The following PIK3CD variants were observed in gnomAD, a reference collection of about 807,000 sequenced individuals.
The protein encoded by PIK3CD is phosphatidylinositol 4,5-bisphosphate 3-kinase catalytic subunit delta isoform.
PIK3CD carries 20 observed loss-of-function variants against 122.9 expected under a neutral mutation model. That is an observed-to-expected ratio of 0.16 (90% CI 0.11 to 0.24). PIK3CD has a LOEUF of 0.24. Ranked by LOEUF, PIK3CD falls within the 10% of genes least tolerant of loss-of-function variation. The pLI is 1.00. For synonymous variants in PIK3CD, 596 were observed against 593.4 expected (o/e 1.00, Z -0.06); for missense variants, 787 against 1,406.3 (o/e 0.56, Z 7.04).
chr1:9,641,706 C>T, the PIK3CD span, among the ~76,000 whole-genome samples: 3 of 152,174 alleles, frequency 2.0e-5, no homozygotes, highest in African/African-American at 7.2e-5. Context: ...ACCCCTGACC[C>T]TCTAAGTCAT....
intron 3 of PIK3CD, among the ~76,000 whole-genome samples, chr1:9,714,057 G>T (rs1647166617): frequency 6.6e-6 from 1 of 151,842 alleles, no homozygotes; most frequent in African/African-American, 2.4e-5. Context: ...TTATTATGTT[G>T]CCCAGGCTGG....
rs1166201942 is a variant in PIK3CD, at chr1:9,717,847, A to G, written c.1020+221A>G. On this transcript the variant is annotated intron_variant, in intron 8 of 23. Coordinates refer to ENST00000377346, the MANE Select transcript of PIK3CD (RefSeq NM_005026.5). The surrounding 1 kb of genome is among the most constrained non-coding windows in gnomAD (Gnocchi z 5.4). ...GGCTGATTCGTAGAAACTTGGGCCA[A>G]GCAGCGTTCTGGGTATTTGACTTTG... Among the ~76,000 whole-genome samples the G allele has an allele frequency of 3.3e-5, 5 of 152,186 alleles. No individual in the cohort carries two copies. Among genetic ancestry groups the G allele is most frequent in the Non-Finnish European group, 7.3e-5 (5 of 68,030 alleles).
chr1:9,675,263 G>A (rs1645482065), intron 1 of PIK3CD, among the ~76,000 whole-genome samples: 1 of 150,364 alleles, frequency 6.7e-6, no homozygotes. Flanking sequence ...GCGGGCGCCT[G>A]TAGTCCCAGC....
In PIK3CD at chr1:9,720,911, TG is replaced by T; in HGVS notation, c.1689+5del. The T allele has an allele frequency of 6.3e-7, 1 of 1,585,454 alleles. No individual in the cohort carries two copies. Among genetic ancestry groups the T allele is most frequent in the East Asian group, 2.3e-5 (1 of 43,366 alleles). The stretch of plus-strand genomic sequence containing the variant: ...AACAAGCATGAGGATGTGGCCCAGG[TG>T]GGTGGGGAGGCGCACCTGGGGGCGG... On this transcript the variant is annotated splice_donor_region_variant and intron_variant, in intron 13 of 23. Coordinates refer to ENST00000377346, the MANE Select transcript of PIK3CD (RefSeq NM_005026.5). The surrounding 1 kb of genome is among the most constrained non-coding windows in gnomAD (Gnocchi z 9.0).
intron 23 of PIK3CD, among the ~76,000 whole-genome samples, chr1:9,726,534 T>C (rs924720696): frequency 1.3e-5 from 2 of 152,096 alleles, no homozygotes; most frequent in South Asian, 2.1e-4. Flanking sequence ...CAGATACATA[T>C]GTATTTTTTT....
intron 1 of PIK3CD, among the ~76,000 whole-genome samples, chr1:9,681,306 G>C (rs906996701): frequency 6.6e-6 from 1 of 152,100 alleles, no homozygotes; most frequent in South Asian, 2.1e-4. Context: ...GGCACAATCA[G>C]AGCTCACTGC....
At chr1:9,708,471 A>G (rs1646928167) in intron 2 of PIK3CD, among the ~76,000 whole-genome samples, 1 of 151,938 alleles carries the variant, frequency 6.6e-6, no homozygotes, top group Non-Finnish European at 1.5e-5. Context: ...GTAAGCCACC[A>G]TGCCTGACCA....
rs925401396 is a variant in PIK3CD at position 9,724,534 on chromosome 1, C to T, written c.2864+113C>T. The T allele has an allele frequency of 1.1e-5, 13 of 1,221,754 alleles. No homozygotes were observed. The Admixed American group carries it at 1.8e-4, about 17-fold the overall frequency. 75.7% of individuals were successfully genotyped at this position (1,221,754 alleles called of 1,614,324 possible). A position where few individuals can be genotyped will look rare whatever the true frequency, so the allele number is the denominator to read the frequency against. On this transcript the variant is annotated intron_variant, in intron 22 of 23. Transcript: ENST00000377346. This position sits in a 1 kb window ranked among gnomAD's most constrained non-coding sequence, Gnocchi z 7.3. ...GCTCAGGTCTCAACCCCACACCTGGCCCCTCACCCCAACTGTTGATGGGTT... is the reference window on the plus strand; with the variant it reads ...GCTCAGGTCTCAACCCCACACCTGGTCCCTCACCCCAACTGTTGATGGGTT...
chr1:9,725,617 G>A (rs1477618210), intron 23 of PIK3CD, among the ~76,000 whole-genome samples: 2 of 151,876 alleles, frequency 1.3e-5, no homozygotes, highest in African/African-American at 4.8e-5. Context: ...GGTGGCTCAC[G>A]CCTGTAATCC....
At chr1:9,706,933 T>C (rs1646855794) in intron 2 of PIK3CD, among the ~76,000 whole-genome samples, 1 of 151,922 alleles carries the variant, frequency 6.6e-6, no homozygotes, top group African/African-American at 2.4e-5. Context: ...AGCTTCCAAG[T>C]AGCTGCGACT....
At chr1:9,654,486 A>ACCAG (rs55746245) in intron 1 of PIK3CD, 1 of 1,245,038 alleles carries the variant, frequency 8.0e-7, no homozygotes, top group Non-Finnish European at 1.1e-6. Context: ...GGTTGTGCGA[A>ACCAG]AGCCAGCCCG....
chr1:9,677,964 G>A (rs1490969009), intron 1 of PIK3CD, among the ~76,000 whole-genome samples: 2 of 151,804 alleles, frequency 1.3e-5, no homozygotes, highest in East Asian at 3.9e-4. Flanking sequence ...CCAGCCCATG[G>A]TGAAACCCCG....
intron 2 of PIK3CD, among the ~76,000 whole-genome samples, chr1:9,708,085 C>T (rs1218306266): frequency 6.6e-6 from 1 of 151,750 alleles, no homozygotes; most frequent in East Asian, 1.9e-4. Context: ...TGAGCCACCG[C>T]GCCTGGTCCC....
intron 1 of PIK3CD, among the ~76,000 whole-genome samples, chr1:9,660,495 T>C (rs958454023): frequency 6.6e-6 from 1 of 152,220 alleles, no homozygotes; most frequent in Admixed American, 6.5e-5. Context: ...GCATCCTTTT[T>C]AGTGGCAGTG....
intron 1 of PIK3CD, among the ~76,000 whole-genome samples, chr1:9,656,166 A>G (rs1644850922): frequency 6.6e-6 from 1 of 152,100 alleles, no homozygotes; most frequent in Non-Finnish European, 1.5e-5. Flanking sequence ...GGAGGAGGAG[A>G]TGCAGAAAGG....
At position 9,723,468 on chromosome 1, in the gene PIK3CD, A is replaced by C. The variant is rs1481248533; in HGVS notation, c.2594+176A>C. Among the ~76,000 whole-genome samples the C allele has an allele frequency of 6.6e-6, 1 of 152,156 alleles. No individual in the cohort carries two copies. The highest frequency in any genetic ancestry group is 1.5e-5 in the Non-Finnish European group (1 of 68,026). On this transcript the variant is annotated intron_variant, in intron 20 of 23. Transcript: ENST00000377346. The surrounding 1 kb of genome is among the most constrained non-coding windows in gnomAD (Gnocchi z 4.9). ...GGGGTGAGGTAGGTCTCTCTTCCCC[A>C]AGTATCAGTGTCTCTTGCTATGCAA...
chr1:9,631,439 G>A, the PIK3CD span, among the ~76,000 whole-genome samples: 1 of 152,238 alleles, frequency 6.6e-6, no homozygotes, highest in Non-Finnish European at 1.5e-5. Flanking sequence ...CAGATCACTT[G>A]AGGCCAGGAG....
intron 2 of PIK3CD, among the ~76,000 whole-genome samples, chr1:9,697,719 T>G (rs1300124247): frequency 6.6e-6 from 1 of 151,282 alleles, no homozygotes; most frequent in African/African-American, 2.4e-5. Flanking sequence ...GGCAACAAAG[T>G]GAGACCCTGT....
At chr1:9,658,492 T>G in intron 1 of PIK3CD, among the ~76,000 whole-genome samples, 1 of 147,492 alleles carries the variant, frequency 6.8e-6, no homozygotes, top group African/African-American at 2.5e-5. Context: ...GTCTTTGGAG[T>G]CAGCTGAACT....
Sources: gnomAD v4.1 joint callset for allele counts (sites outside exome capture counted in the v4.1 genomes callset) on GRCh38, gnomAD v4.1.1 for gene constraint, Gnocchi (gnomAD v3.1) non-coding constraint, MANE v1.5 for transcripts, NCBI Gene and HGNC (gene_info 2026-07-23, HGNC 2026-07-21) for gene names.